FOXN3: variants seen among roughly 807,000 people sequenced by gnomAD.
The protein encoded by FOXN3 is forkhead box N3.
A neutral mutation model predicts 38.4 loss-of-function variants in FOXN3; 7 were observed. The ratio of observed to expected loss-of-function variants is 0.18; its 90% CI spans 0.10 to 0.34. The LOEUF (loss-of-function observed/expected upper bound fraction) is 0.34. FOXN3 is among the 10% of genes least tolerant of loss of function. The pLI is 1.00. For synonymous variants in FOXN3, 230 were observed against 242.2 expected (o/e 0.95, Z 0.47); for missense variants, 456 against 613.4 (o/e 0.74, Z 2.71).
At chr14:89,312,073 T>C (rs1309040970) in intron 3 of FOXN3, among the ~76,000 whole-genome samples, 1 of 151,346 alleles carries the variant, frequency 6.6e-6, no homozygotes, top group African/African-American at 2.4e-5. Flanking sequence ...TCATTTGAGG[T>C]CAGGAGTTTG....
In FOXN3 at chr14:89,180,921, G is replaced by GA. The variant is rs779715767; in HGVS notation, c.746-116dup. 9.1e-6 allele frequency: 6 copies of GA among 658,092 alleles called. No homozygotes were observed. In the East Asian group the frequency reaches 1.1e-4, roughly 12 times the overall value. 40.8% of individuals were successfully genotyped at this position (658,092 alleles called of 1,614,324 possible). ...GAGAGAGAGAGAGACAGAGGGCAGA[G>GA]ACAGAGAGAAACACACACACACACG... On this transcript the variant is annotated intron_variant, in intron 4 of 5. Coordinates refer to ENST00000557258, the MANE Select transcript of FOXN3 (RefSeq NM_005197.4).
At chr14:89,478,943 A>AAAATAAAAAT (rs1893269485) in intron 1 of FOXN3, among the ~76,000 whole-genome samples, 2 of 150,978 alleles carry the variant, frequency 1.3e-5, no homozygotes, top group African/African-American at 4.9e-5. Flanking sequence ...AAAAAAAAAA[A>AAAATAAAAAT]AAAAAAATTA....
intron 1 of FOXN3, among the ~76,000 whole-genome samples, chr14:89,618,318 A>C (rs1018938252): frequency 6.6e-6 from 1 of 152,188 alleles, no homozygotes; most frequent in African/African-American, 2.4e-5. Context: ...CCCTTCCCCA[A>C]ATGTCATCCC....
intron 1 of FOXN3, among the ~76,000 whole-genome samples, chr14:89,590,227 C>T (rs1347646180): frequency 1.3e-5 from 2 of 152,068 alleles, no homozygotes; most frequent in Admixed American, 6.6e-5. Context: ...GATTCTTAAG[C>T]CTTCATGTTT....
intron 1 of FOXN3, among the ~76,000 whole-genome samples, chr14:89,482,918 A>AAG (rs1010703325): frequency 6.7e-6 from 1 of 149,404 alleles, no homozygotes; most frequent in Admixed American, 6.7e-5. Flanking sequence ...TGAAAAAAAA[A>AAG]AAGAATGGAG....
intron 1 of FOXN3, among the ~76,000 whole-genome samples, chr14:89,452,416 C>G (rs1006851399): frequency 9.2e-5 from 14 of 152,174 alleles, no homozygotes; most frequent in South Asian, 2.1e-4. Context: ...GGAATGAGCA[C>G]AGCTGAGACC....
chr14:89,471,832 C>T (rs1202228061), intron 1 of FOXN3, among the ~76,000 whole-genome samples: 1 of 152,122 alleles, frequency 6.6e-6, no homozygotes, highest in African/African-American at 2.4e-5. Context: ...GCACCTGGTT[C>T]GTCATTTGCA....
intron 5 of FOXN3, among the ~76,000 whole-genome samples, chr14:89,165,247 T>C (rs74960029): frequency 0.24 from 37,190 of 152,120 alleles, 5,307 homozygotes; most frequent in Middle Eastern, 0.34. Context: ...TATCCCAGTG[T>C]TGCTTACTGG....
At chr14:89,192,879 C>G (rs1303559890) in intron 4 of FOXN3, among the ~76,000 whole-genome samples, 3 of 151,194 alleles carry the variant, frequency 2.0e-5, no homozygotes, top group African/African-American at 7.3e-5. Flanking sequence ...CTTCCCACTG[C>G]CCCTGTGGCT....
upstream of FOXN3, among the ~76,000 whole-genome samples, chr14:89,418,400 C>G (rs1459559495): frequency 6.8e-6 from 1 of 146,046 alleles, no homozygotes; most frequent in African/African-American, 2.6e-5. Context: ...TTTTTTCTGT[C>G]TCAAAAAATA....
intron 3 of FOXN3, chr14:89,284,558 A>T (rs1279935285): frequency 2.2e-6 from 1 of 455,746 alleles, no homozygotes; most frequent in Non-Finnish European, 4.4e-6. Flanking sequence ...TTTTGCTAGG[A>T]CTCTCTCCAA....
At chr14:89,569,893 G>A (rs1325835147) in intron 1 of FOXN3, among the ~76,000 whole-genome samples, 1 of 152,104 alleles carries the variant, frequency 6.6e-6, no homozygotes, top group East Asian at 1.9e-4. Context: ...GGCCTAAAAG[G>A]AAACTCAATT....
intron 3 of FOXN3, among the ~76,000 whole-genome samples, chr14:89,327,890 G>C (rs1300685849): frequency 6.6e-6 from 1 of 152,162 alleles, no homozygotes; most frequent in African/African-American, 2.4e-5. Flanking sequence ...TATAAACCTA[G>C]GGAGGGAAGT....
chr14:89,194,229 G>A (rs1255385914), intron 4 of FOXN3, among the ~76,000 whole-genome samples: 1 of 151,814 alleles, frequency 6.6e-6, no homozygotes, highest in African/African-American at 2.4e-5. Flanking sequence ...TGTCTTTTGT[G>A]TTCTAAGAAA....
rs561863944 is a variant in FOXN3, at chr14:89,335,918, A to C, written c.680+14754T>G. 2.6e-5 allele frequency among the ~76,000 whole-genome samples: 4 copies of C among 152,296 alleles called. No individual in the cohort carries two copies. The East Asian group carries it at 7.7e-4, about 29-fold the overall frequency. On this transcript the variant is annotated intron_variant, in intron 3 of 5. Transcript: ENST00000557258. ...TTAGAAAGATAGCTGAAGTATAGAC[A>C]TTTATTCCCAAAATGACTGAGAGTT...
rs1887123437 is a variant in FOXN3, at chr14:89,162,278, A to G, written c.*136T>C. The stretch of plus-strand genomic sequence containing the variant: ...GGGCAAATTAAAACAAAATAAAAGG[A>G]AAAGAAAAGAAAGAAAACCAAACCA... On this transcript the variant is annotated 3_prime_UTR_variant, in exon 6 of 6. Coordinates refer to ENST00000557258, the MANE Select transcript of FOXN3 (RefSeq NM_005197.4). This position sits in a 1 kb window ranked among gnomAD's most constrained non-coding sequence, Gnocchi z 7.2. 1.4e-6 allele frequency: 1 copy of G among 715,630 alleles called. No homozygotes were observed. The highest frequency in any genetic ancestry group is 2.2e-6 in the Non-Finnish European group (1 of 462,194). 44.3% of individuals were successfully genotyped at this position (715,630 alleles called of 1,614,324 possible).
intron 1 of FOXN3, among the ~76,000 whole-genome samples, chr14:89,592,357 G>C (rs1056478532): frequency 3.3e-5 from 5 of 151,968 alleles, no homozygotes; most frequent in Admixed American, 6.5e-5. Flanking sequence ...ACCTTCCCTA[G>C]AACAGGAGCA....
chr14:89,471,105 G>A (rs1893085875), intron 1 of FOXN3, among the ~76,000 whole-genome samples: 2 of 152,204 alleles, frequency 1.3e-5, no homozygotes, highest in East Asian at 3.8e-4. Context: ...TTGGCCAGGA[G>A]GCGGGAGGCT....
chr14:89,337,582 G>A (rs1054192066), intron 3 of FOXN3, among the ~76,000 whole-genome samples: 2 of 151,914 alleles, frequency 1.3e-5, no homozygotes, highest in African/African-American at 4.8e-5. Flanking sequence ...AGACAAAGCT[G>A]GAGCAATTCC....
Sources: gnomAD v4.1 joint callset for allele counts (sites outside exome capture counted in the v4.1 genomes callset) on GRCh38, gnomAD v4.1.1 for gene constraint, Gnocchi (gnomAD v3.1) non-coding constraint, MANE v1.5 for transcripts, NCBI Gene and HGNC (gene_info 2026-07-23, HGNC 2026-07-21) for gene names.